COL17A1: variants seen among roughly 807,000 people sequenced by gnomAD.
COL17A1 encodes collagen alpha-1(XVII) chain.
COL17A1 carries 181 observed loss-of-function variants against 218.4 expected under a neutral mutation model. The observed-to-expected ratio is 0.83, with a 90% CI of 0.73 to 0.94. The LOEUF (loss-of-function observed/expected upper bound fraction) is 0.94. Among genes scored for constraint, COL17A1 ranks in the 40% least tolerant of loss-of-function variants. The pLI is 0.00. For missense variants in COL17A1, 1,924 were observed against 1,945.9 expected, an observed-to-expected ratio of 0.99 and a Z score of 0.21; for synonymous variants, 721 against 731.0, an observed-to-expected ratio of 0.99 and a Z score of 0.22.
chr10:104,063,630 C>T (rs764321338), intron 11 of COL17A1, 117 bp downstream of exon 11: 1 of 1,475,820 alleles, frequency 6.8e-7, no homozygotes, highest in Non-Finnish European at 9.3e-7. Flanking sequence ...CAACCCTGTG[C>T]CTCTGCTTCT....
chr10:104,062,776 C>A (rs530096153), intron 11 of COL17A1, among the ~76,000 whole-genome samples: 1 of 152,276 alleles, frequency 6.6e-6, no homozygotes, highest in African/African-American at 2.4e-5. Flanking sequence ...GTTAGCCCTT[C>A]CTTCTCCTGA....
At chr10:104,036,371 C>A in intron 48 of COL17A1, 121 bp downstream of exon 48, 1 of 1,388,934 alleles carries the variant, frequency 7.2e-7, no homozygotes. Context: ...CTGCTCATTG[C>A]TGGGGTTGGT....
intron 41 of COL17A1, 21 bp from the exon 42 acceptor site, chr10:104,039,661 G>A (rs926885361): frequency 5.0e-6 from 8 of 1,613,930 alleles, no homozygotes; most frequent in Non-Finnish European, 6.8e-6. Context: ...CACCAAGGGA[G>A]GGACAGTCAG....
intron 4 of COL17A1, 135 bp from the exon 5 acceptor site, chr10:104,076,564 C>T: frequency 1.8e-6 from 2 of 1,131,476 alleles, no homozygotes; most frequent in Non-Finnish European, 2.6e-6. Context: ...GGGGCCACCT[C>T]AGCATTCCCC....
intron 6 of COL17A1, 124 bp from the exon 7 acceptor site, chr10:104,073,369 G>T (rs2086684067): frequency 1.2e-6 from 1 of 834,222 alleles, no homozygotes; most frequent in Non-Finnish European, 2.1e-6. Flanking sequence ...CCAGATAGGG[G>T]CTTTTCTGTA....
chr10:104,059,752 C>T (rs1354949755), intron 14 of COL17A1, 34 bp from the exon 15 acceptor site: 1 of 1,598,076 alleles, frequency 6.3e-7, no homozygotes, highest in Admixed American at 1.7e-5. Flanking sequence ...CTGGCATATT[C>T]TCTTCTCAAC....
Position 104,037,054 on chromosome 10 carries a change from C to T in COL17A1, c.3268G>A (p.Val1090Met), listed in dbSNP as rs2086307023. 7 of 1,606,188 alleles carry T rather than the reference C, an allele frequency of 4.4e-6. No homozygotes were observed. The highest frequency in any genetic ancestry group is 3.4e-5 in the Admixed American group (2 of 59,190). The part of the protein sequence containing the change: ...SSISSEDILA[V>M]LQRDDVRQYL... ...CCCACAGGTGACTCACGCTGCAGCA[C>T]AGCCAGAATGTCTTCAGAAGAGATG... The change falls in exon 47 of 56, where the codon GTG becomes ATG. Residue 1090 changes from valine to methionine, a missense_variant. Coordinates refer to ENST00000648076, the MANE Select transcript of COL17A1 (RefSeq NM_000494.4).
Position 104,042,320 on chromosome 10 carries a change from C to A in COL17A1, c.2551+100G>T, listed in dbSNP as rs550344175. On this transcript the variant is annotated intron_variant, in intron 36 of 55. Transcript: ENST00000648076. ...CCCTGTCCTCCTTTTCCAAAACACA[C>A]CTTTCACGTCATCTAGAACAGAGAG... 1.8e-5 allele frequency: 24 copies of A among 1,322,420 alleles called. No homozygotes were observed. In the South Asian group the frequency reaches 2.8e-4, roughly 15 times the overall value. 81.9% of individuals were successfully genotyped at this position (1,322,420 alleles called of 1,614,324 possible). A position where few individuals can be genotyped will look rare whatever the true frequency, so the allele number is the denominator to read the frequency against.
chr10:104,083,743 A>G (rs991675670), intron 1 of COL17A1, among the ~76,000 whole-genome samples: 8 of 152,224 alleles, frequency 5.3e-5, no homozygotes, highest in African/African-American at 1.7e-4. Context: ...TTAAACCATC[A>G]CATTATCTTA....
intron 31 of COL17A1, among the ~76,000 whole-genome samples, 186 bp downstream of exon 31, chr10:104,047,553 C>T (rs76727935): frequency 0.014 from 2,069 of 152,284 alleles, 46 homozygotes; most frequent in African/African-American, 0.046. Flanking sequence ...TGGAGGAAAA[C>T]GGGATAAGGC....
Position 104,054,086 on chromosome 10 carries a change from A to T in COL17A1, c.1771+6T>A. The stretch of plus-strand genomic sequence containing the variant: ...GCAGGCCTGGAGGTCATCAGAGAGT[A>T]CATACCTGGAGTCCCAGGGAACCCT... On this transcript the variant is annotated splice_donor_region_variant and intron_variant, in intron 21 of 55. Transcript: ENST00000648076. The T allele has an allele frequency of 6.2e-7, 1 of 1,612,856 alleles. No homozygotes were observed. Among genetic ancestry groups the T allele is most frequent in the Non-Finnish European group, 8.5e-7 (1 of 1,179,420 alleles).
At chr10:104,037,523 C>G in intron 46 of COL17A1, 113 bp downstream of exon 46, 4 of 1,358,250 alleles carry the variant, frequency 2.9e-6, no homozygotes, top group Non-Finnish European at 4.2e-6. Flanking sequence ...GGAATTAAAA[C>G]TCATGTTCCA....
intron 29 of COL17A1, among the ~76,000 whole-genome samples, chr10:104,049,092 C>T (rs2086442002): frequency 6.6e-6 from 1 of 152,108 alleles, no homozygotes; most frequent in South Asian, 2.1e-4. Flanking sequence ...CCCTGGGATT[C>T]CTGGAACACT....
At chr10:104,040,709 G>A (rs995612109) in intron 39 of COL17A1, among the ~76,000 whole-genome samples, 1 of 152,148 alleles carries the variant, frequency 6.6e-6, no homozygotes, top group Non-Finnish European at 1.5e-5. Context: ...TTGCTTTAAA[G>A]TTATTTCCAC....
intron 12 of COL17A1, 92 bp downstream of exon 12, chr10:104,062,166 T>A: frequency 6.3e-7 from 1 of 1,593,222 alleles, no homozygotes. Flanking sequence ...CGACTGATTT[T>A]CAGGGACATT....
Position 104,032,226 on chromosome 10 carries a change from A to G in COL17A1, c.*9T>C, listed in dbSNP as rs368513242. On this transcript the variant is annotated 3_prime_UTR_variant, in exon 56 of 56. Transcript: ENST00000648076. The stretch of plus-strand genomic sequence containing the variant: ...GACCTGGTCCAGGAGCTGTCCTGCC[A>G]TGGCTAGCTCACGGCTTGACAGCAA... The G allele has an allele frequency of 3.1e-5, 50 of 1,611,270 alleles. No homozygotes were observed. The highest frequency in any genetic ancestry group is 4.1e-5 in the Non-Finnish European group (48 of 1,177,466).
intron 47 of COL17A1, among the ~76,000 whole-genome samples, 175 bp from the exon 48 acceptor site, chr10:104,036,807 A>G (rs543552521): frequency 2.1e-4 from 32 of 152,132 alleles, no homozygotes; most frequent in Non-Finnish European, 4.4e-4. Flanking sequence ...CAGGTTCCCA[A>G]AGGGACACCT....
At chr10:104,078,116 GA>G (rs1217505639) in intron 3 of COL17A1, among the ~76,000 whole-genome samples, 3 of 151,908 alleles carry the variant, frequency 2.0e-5, no homozygotes, top group African/African-American at 4.8e-5. Flanking sequence ...GGAGCTCCTG[GA>G]AAAAAAAGTA....
chr10:104,032,298 T>G lies in COL17A1; in HGVS notation c.4439-8A>C, dbSNP rs1287437103. The stretch of plus-strand genomic sequence containing the variant: ...CAGCATAGACTTGGTCACCTGAAAG[T>G]TAGAAGATCAGTAGGAAGTTAAAAC... On this transcript the variant is annotated splice_polypyrimidine_tract_variant and splice_region_variant and intron_variant, in intron 55 of 55. Transcript: ENST00000648076. 6.2e-7 allele frequency: 1 copy of G among 1,613,206 alleles called. No individual in the cohort carries two copies. The highest frequency in any genetic ancestry group is 8.5e-7 in the Non-Finnish European group (1 of 1,179,240).
Sources: gnomAD v4.1 joint callset for allele counts (sites outside exome capture counted in the v4.1 genomes callset) on GRCh38, gnomAD v4.1.1 for gene constraint, MANE v1.5 for transcripts, NCBI Gene and HGNC (gene_info 2026-07-23, HGNC 2026-07-21) for gene names.